The following CAB39L variants were observed in gnomAD, a reference collection of about 807,000 sequenced individuals.
The protein encoded by CAB39L is calcium binding protein 39 like, also known as calcium-binding protein 39-like.
CAB39L carries 23 observed loss-of-function variants against 39.1 expected under a neutral mutation model. The observed-to-expected ratio is 0.59, with a 90% confidence interval of 0.42 to 0.83. The LOEUF (loss-of-function observed/expected upper bound fraction) is 0.83, where lower values mean the gene tolerates loss of function less well. CAB39L is among the 40% of genes least tolerant of loss of function. CAB39L has a pLI of 0.00. For missense variants in CAB39L, 366 were observed against 391.9 expected, an observed-to-expected ratio of 0.93 and a Z score of 0.56; for synonymous variants, 126 against 137.2, an observed-to-expected ratio of 0.92 and a Z score of 0.57.
intron 3 of CAB39L, among the ~76,000 whole-genome samples, chr13:49,432,363 C>T (rs9596104): frequency 0.091 from 13,894 of 152,050 alleles, 855 homozygotes; most frequent in South Asian, 0.27. Context: ...CTTGAACTCC[C>T]GGGCTCAAGC....
Position 49,335,237 on chromosome 13 carries a change from GA to G in CAB39L, c.691-3148del, listed in dbSNP as rs1162799541. On this transcript the variant is annotated intron_variant, in intron 9 of 10. Coordinates refer to ENST00000409308, the MANE Select transcript of CAB39L (RefSeq NM_001079670.3). ...TCATGTTAAAAGGCTTCAGCAAAAG[GA>G]AAATTTCATTTTTGAAAATTTACAC... Among the ~76,000 whole-genome samples, 13 of 152,170 alleles carry G rather than the reference GA, an allele frequency of 8.5e-5. No individual in the cohort carries two copies. The South Asian group carries it at 1.9e-3, about 22-fold the overall frequency.
chr13:49,330,292 G>C (rs1954652999), intron 10 of CAB39L, among the ~76,000 whole-genome samples: 2 of 152,176 alleles, frequency 1.3e-5, no homozygotes, highest in South Asian at 4.1e-4. Flanking sequence ...GGCTAATAAA[G>C]TAACTTTCTT....
intron 10 of CAB39L, among the ~76,000 whole-genome samples, chr13:49,315,884 C>CA (rs60700916): frequency 0.65 from 77,356 of 119,894 alleles, 23,515 homozygotes; most frequent in South Asian, 0.78. Flanking sequence ...GTCTCCATCT[C>CA]AAAAAAAAAA....
chr13:49,331,682 T>C (rs1025140590), intron 10 of CAB39L, among the ~76,000 whole-genome samples: 2 of 152,190 alleles, frequency 1.3e-5, no homozygotes, highest in African/African-American at 4.8e-5. Context: ...CAATCACTGA[T>C]TGTTTTAGAA....
At chr13:49,344,039 G>T (rs35214871) in intron 8 of CAB39L, 140 bp downstream of exon 8, 73,509 of 650,346 alleles carry the variant, frequency 0.11, 5,152 homozygotes, top group Non-Finnish European at 0.14. Flanking sequence ...CTGATGACCT[G>T]GTTTCCAGGT....
At chr13:49,333,763 G>A (rs1388256802) in intron 9 of CAB39L, among the ~76,000 whole-genome samples, 2 of 151,332 alleles carry the variant, frequency 1.3e-5, no homozygotes, top group African/African-American at 2.4e-5. Flanking sequence ...TAGTAGAGAC[G>A]GGGTTTCACC....
At position 49,309,820 on chromosome 13, in the gene CAB39L, T is replaced by C. The variant is rs918523325; in HGVS notation, c.*994A>G. 1 of 152,124 alleles carries C rather than the reference T, an allele frequency of 6.6e-6. No individual in the cohort carries two copies. The allele number at this position is 152,124 out of a possible 1,614,324, so 9.4% of individuals were successfully genotyped here. On this transcript the variant is annotated 3_prime_UTR_variant, in exon 11 of 11. Coordinates refer to ENST00000409308, the MANE Select transcript of CAB39L (RefSeq NM_001079670.3). ...TGATACAATGGCTCTGAAAAAAATT[T>C]ATTGATGGATCTGAGAATTTTTTCA...
intron 3 of CAB39L, among the ~76,000 whole-genome samples, chr13:49,397,611 A>T (rs1316887184): frequency 6.6e-6 from 1 of 152,112 alleles, no homozygotes. Flanking sequence ...TTGTAGTTCC[A>T]GAAAAAAAAA....
chr13:49,345,762 T>C (rs1336647022), intron 7 of CAB39L, among the ~76,000 whole-genome samples: 2 of 152,074 alleles, frequency 1.3e-5, no homozygotes, highest in African/African-American at 4.8e-5. Flanking sequence ...TGTGGATTGC[T>C]GCACCCATGG....
intron 5 of CAB39L, among the ~76,000 whole-genome samples, chr13:49,372,871 C>T (rs1955957989): frequency 6.6e-6 from 1 of 152,134 alleles, no homozygotes; most frequent in African/African-American, 2.4e-5. Flanking sequence ...GATGAGGTTT[C>T]ACCGTGTTAG....
chr13:49,347,576 A>G (rs1469566960), intron 7 of CAB39L, among the ~76,000 whole-genome samples: 23 of 152,082 alleles, frequency 1.5e-4, no homozygotes, highest in Admixed American at 1.5e-3. Flanking sequence ...ATTAGCAAAC[A>G]CCTCCTTAGT....
intron 3 of CAB39L, among the ~76,000 whole-genome samples, chr13:49,385,520 C>A (rs1165558562): frequency 6.6e-6 from 1 of 152,232 alleles, no homozygotes; most frequent in Non-Finnish European, 1.5e-5. Flanking sequence ...GGCTAACTTA[C>A]TGATGCAAAA....
At chr13:49,336,678 C>T (rs548664280) in intron 9 of CAB39L, among the ~76,000 whole-genome samples, 12 of 152,272 alleles carry the variant, frequency 7.9e-5, no homozygotes, top group African/African-American at 2.6e-4. Context: ...ACCTTCAGAG[C>T]ACTGTCACCT....
chr13:49,421,895 C>T (rs1957176862), intron 3 of CAB39L, among the ~76,000 whole-genome samples: 1 of 152,090 alleles, frequency 6.6e-6, no homozygotes. Flanking sequence ...GACCCAGAGT[C>T]TTATAACATA....
intron 5 of CAB39L, 78 bp from the exon 6 acceptor site, chr13:49,359,910 A>G: frequency 1.4e-6 from 1 of 730,024 alleles, no homozygotes; most frequent in East Asian, 2.7e-5. Context: ...ATATACATAT[A>G]TATATACACA....
chr13:49,442,798 A>C (rs113137643), intron 1 of CAB39L, among the ~76,000 whole-genome samples: 67,884 of 128,260 alleles, frequency 0.53, 18,971 homozygotes, highest in Non-Finnish European at 0.63. Flanking sequence ...AAAAAAAAAA[A>C]AAAAAAAAAA....
intron 10 of CAB39L, among the ~76,000 whole-genome samples, chr13:49,331,337 A>G (rs1401585257): frequency 6.6e-6 from 1 of 151,984 alleles, no homozygotes; most frequent in Non-Finnish European, 1.5e-5. Context: ...GTGGTGGCAC[A>G]CACCTGCAGT....
chr13:49,406,448 G>A (rs1956881126), intron 3 of CAB39L, among the ~76,000 whole-genome samples: 1 of 149,990 alleles, frequency 6.7e-6, no homozygotes, highest in African/African-American at 2.5e-5. Flanking sequence ...CCAAAGCACT[G>A]GGATTACAGG....
rs539865987 is a variant in CAB39L at position 49,409,596 on chromosome 13, A to AT, written c.-32+23721dup. Among the ~76,000 whole-genome samples the AT allele has an allele frequency of 3.5e-3, 537 of 152,126 alleles. 6 individuals are homozygous for AT. The highest frequency in any genetic ancestry group is 0.012 in the African/African-American group (511 of 41,478). ...CAAGAACATAAGTGGAATAATATATATTTTTCTAAAATGAGAAGGAGGAGA... is the reference window on the plus strand; with the variant it reads ...CAAGAACATAAGTGGAATAATATATATTTTTTCTAAAATGAGAAGGAGGAGA... On this transcript the variant is annotated intron_variant, in intron 3 of 10. Coordinates refer to ENST00000409308, the MANE Select transcript of CAB39L (RefSeq NM_001079670.3).
Sources: allele counts gnomAD v4.1 joint callset (sites outside exome capture counted in the v4.1 genomes callset), GRCh38; gene constraint gnomAD v4.1.1; transcripts MANE v1.5; gene names NCBI Gene and HGNC (gene_info 2026-07-23, HGNC 2026-07-21).